WDR70: variants seen among roughly 807,000 people sequenced by gnomAD.
The protein encoded by WDR70 is WD repeat domain 70, also known as WD repeat-containing protein 70.
A neutral mutation model predicts 88.6 loss-of-function variants in WDR70; 53 were observed. The observed-to-expected ratio is 0.60, with a 90% CI of 0.48 to 0.75. The LOEUF (loss-of-function observed/expected upper bound fraction) is 0.75, where lower values mean the gene tolerates loss of function less well. Ranked by LOEUF, WDR70 falls within the 30% of genes least tolerant of loss-of-function variation. The pLI is 0.00. For synonymous variants in WDR70, 280 were observed against 270.0 expected (o/e 1.04, Z -0.36); for missense variants, 610 against 823.2 (o/e 0.74, Z 3.17).
chr5:37,602,514 G>A (rs6876171), intron 9 of WDR70, among the ~76,000 whole-genome samples: 70,305 of 151,366 alleles, frequency 0.46, 17,953 homozygotes, highest in Non-Finnish European at 0.58. Flanking sequence ...AGCTGAGGCG[G>A]GAAAATCACT....
At chr5:37,582,944 G>A (rs554467676) in intron 9 of WDR70, among the ~76,000 whole-genome samples, 4 of 152,356 alleles carry the variant, frequency 2.6e-5, no homozygotes, top group African/African-American at 9.6e-5. Flanking sequence ...ATGGTAAAAT[G>A]CTGCTTAGGT....
intron 9 of WDR70, among the ~76,000 whole-genome samples, chr5:37,579,051 T>C (rs1743137383): frequency 1.3e-5 from 2 of 152,226 alleles, no homozygotes; most frequent in Non-Finnish European, 2.9e-5. Context: ...AGAGAAATAC[T>C]GGAATGAAGG....
chr5:37,401,613 A>C (rs912633437), intron 5 of WDR70, among the ~76,000 whole-genome samples: 1 of 152,032 alleles, frequency 6.6e-6, no homozygotes, highest in Admixed American at 6.6e-5. Flanking sequence ...CACCTTACCC[A>C]GGCCAAATTT....
At chr5:37,677,657 A>G (rs887345153) in intron 10 of WDR70, among the ~76,000 whole-genome samples, 5 of 150,036 alleles carry the variant, frequency 3.3e-5, no homozygotes, top group African/African-American at 7.4e-5. Context: ...ACTTCCAACT[A>G]TGTGGTCAAT....
intron 9 of WDR70, among the ~76,000 whole-genome samples, chr5:37,599,308 T>C (rs1189408251): frequency 1.3e-5 from 2 of 152,218 alleles, no homozygotes; most frequent in Non-Finnish European, 1.5e-5. Flanking sequence ...GCACTAAGAA[T>C]ACAGTTGCAT....
chr5:37,504,129 CT>C (rs969774562), intron 8 of WDR70, among the ~76,000 whole-genome samples: 1 of 152,046 alleles, frequency 6.6e-6, no homozygotes, highest in Non-Finnish European at 1.5e-5. Flanking sequence ...TTGAGATTAT[CT>C]TTTTTTGTCA....
chr5:37,745,352 G>A (rs1437426585), intron 17 of WDR70, among the ~76,000 whole-genome samples: 2 of 150,704 alleles, frequency 1.3e-5, no homozygotes, highest in South Asian at 2.1e-4. Flanking sequence ...CTGACACTAC[G>A]AAGAAACTGC....
Position 37,702,958 on chromosome 5 carries a change from C to T in WDR70, c.1287C>T (p.Cys429=). ...CTCTTTTTTTCTGTAGGACTGACTG[C>T]TGTTTCAGTCCAGATGATAAGCTCA... is the stretch of plus-strand genomic sequence containing the variant. ...GLPTMFPMTD[C]CFSPDDKLIV... is the part of the protein sequence containing the mutation. Residue 429 remains cysteine, a synonymous_variant, in exon 13 of 18, where the codon TGC becomes TGT. Transcript: ENST00000265107. 6.2e-7 allele frequency: 1 copy of T among 1,607,424 alleles called. No homozygotes were observed. Among genetic ancestry groups the T allele is most frequent in the South Asian group, 1.1e-5 (1 of 90,874 alleles).
At chr5:37,487,627 A>ATTTTTTTTT (rs70978825) in intron 8 of WDR70, among the ~76,000 whole-genome samples, 3 of 69,070 alleles carry the variant, frequency 4.3e-5, no homozygotes, top group African/African-American at 1.5e-4. Flanking sequence ...ATATATATGT[A>ATTTTTTTTT]TTTTTTTTTT....
chr5:37,741,693 T>C (rs1453127737), intron 17 of WDR70, among the ~76,000 whole-genome samples: 1 of 152,182 alleles, frequency 6.6e-6, no homozygotes, highest in Non-Finnish European at 1.5e-5. Context: ...GCTGGGCAGC[T>C]CAGTTCCTAA....
At chr5:37,713,461 A>G (rs1747572239) in intron 13 of WDR70, among the ~76,000 whole-genome samples, 1 of 152,070 alleles carries the variant, frequency 6.6e-6, no homozygotes, top group Non-Finnish European at 1.5e-5. Flanking sequence ...CCTTCTCTAC[A>G]CAAAAGTTTG....
intron 10 of WDR70, among the ~76,000 whole-genome samples, chr5:37,660,539 A>G (rs752505256): frequency 1.3e-5 from 2 of 151,682 alleles, no homozygotes; most frequent in Middle Eastern, 6.8e-3. Flanking sequence ...CCCTTTCATC[A>G]TTATGTTACA....
At chr5:37,413,619 G>A (rs1189376963) in intron 5 of WDR70, among the ~76,000 whole-genome samples, 2 of 151,828 alleles carry the variant, frequency 1.3e-5, no homozygotes, top group African/African-American at 4.8e-5. Context: ...TACTTGGGAG[G>A]CTGAGGCAGG....
chr5:37,541,843 A>T (rs1289507496), intron 9 of WDR70, among the ~76,000 whole-genome samples: 2 of 152,238 alleles, frequency 1.3e-5, no homozygotes, highest in African/African-American at 4.8e-5. Flanking sequence ...AAAAAAAATC[A>T]AATTGAATAT....
At chr5:37,626,869 T>G (rs770326468) in intron 10 of WDR70, among the ~76,000 whole-genome samples, 1 of 152,160 alleles carries the variant, frequency 6.6e-6, no homozygotes, top group Non-Finnish European at 1.5e-5. Context: ...GTCCAGGAAT[T>G]TATTCATTTC....
At chr5:37,545,242 A>G (rs1231088037) in intron 9 of WDR70, among the ~76,000 whole-genome samples, 1 of 152,080 alleles carries the variant, frequency 6.6e-6, no homozygotes, top group Non-Finnish European at 1.5e-5. Flanking sequence ...TCTTTCCTTC[A>G]GTTTTCTGCT....
chr5:37,448,561 CT>C (rs1738570440), intron 7 of WDR70, among the ~76,000 whole-genome samples: 1 of 152,140 alleles, frequency 6.6e-6, no homozygotes, highest in Non-Finnish European at 1.5e-5. Flanking sequence ...ATTTAGTAAA[CT>C]TTTAAATTTC....
chr5:37,550,888 G>A (rs1742121772), intron 9 of WDR70, among the ~76,000 whole-genome samples: 1 of 151,948 alleles, frequency 6.6e-6, no homozygotes, highest in African/African-American at 2.4e-5. Context: ...TGTATCTGTT[G>A]TATGTTTTTT....
intron 5 of WDR70, among the ~76,000 whole-genome samples, chr5:37,416,293 G>A (rs1749747124): frequency 6.6e-6 from 1 of 152,210 alleles, no homozygotes; most frequent in Non-Finnish European, 1.5e-5. Flanking sequence ...CGGATCACTC[G>A]CTGTTAGGAG....
Sources: gnomAD v4.1 joint callset for allele counts (sites outside exome capture counted in the v4.1 genomes callset) on GRCh38, gnomAD v4.1.1 for gene constraint, MANE v1.5 for transcripts, NCBI Gene and HGNC (gene_info 2026-07-23, HGNC 2026-07-21) for gene names.